Variants in ALDH1A3 observed in about 807,000 individuals in gnomAD.
The protein encoded by ALDH1A3 is aldehyde dehydrogenase 1 family member A3.
ALDH1A3 carries 28 observed loss-of-function variants against 57.5 expected under a neutral mutation model. That is an observed-to-expected ratio of 0.49 (90% CI 0.36 to 0.67). The LOEUF (loss-of-function observed/expected upper bound fraction) is 0.67, where lower values mean the gene tolerates loss of function less well. Ranked by LOEUF, ALDH1A3 falls within the 30% of genes least tolerant of loss-of-function variation. The pLI is 0.00. For synonymous variants in ALDH1A3, 281 were observed against 264.8 expected (o/e 1.06, Z -0.59); for missense variants, 507 against 669.4 (o/e 0.76, Z 2.68).
At chr15:100,884,569 T>G (rs1274971663) in intron 1 of ALDH1A3, among the ~76,000 whole-genome samples, 1 of 144,512 alleles carries the variant, frequency 6.9e-6, no homozygotes, top group South Asian at 2.1e-4. Context: ...TTCTGGGTTT[T>G]TTTTTTTTTT....
At chr15:100,905,089 G>A (rs2041809670) in intron 9 of ALDH1A3, among the ~76,000 whole-genome samples, 1 of 152,076 alleles carries the variant, frequency 6.6e-6, no homozygotes, top group Non-Finnish European at 1.5e-5. Flanking sequence ...TATTGTTTTG[G>A]GACATACTAA....
intron 12 of ALDH1A3, among the ~76,000 whole-genome samples, chr15:100,910,610 T>C (rs776869751): frequency 4.7e-4 from 72 of 152,340 alleles, no homozygotes; most frequent in Admixed American, 5.2e-4. Context: ...AAATGAATGC[T>C]GGCAGCTTAG....
chr15:100,902,486 C>T (rs1473140690), intron 9 of ALDH1A3, among the ~76,000 whole-genome samples: 2 of 152,230 alleles, frequency 1.3e-5, no homozygotes, highest in African/African-American at 4.8e-5. Flanking sequence ...GCTAGCTGAC[C>T]TAGATCCGGG....
At chr15:100,883,704 A>T (rs2041567914) in intron 1 of ALDH1A3, among the ~76,000 whole-genome samples, 1 of 150,632 alleles carries the variant, frequency 6.6e-6, no homozygotes, top group Non-Finnish European at 1.5e-5. Context: ...CATGTGCAGG[A>T]TGTGCAGGTT....
At chr15:100,908,817 T>C (rs1437291859) in intron 12 of ALDH1A3, among the ~76,000 whole-genome samples, 1 of 152,172 alleles carries the variant, frequency 6.6e-6, no homozygotes, top group Non-Finnish European at 1.5e-5. Flanking sequence ...TTGCCAGATG[T>C]GGGGTGTCAT....
At chr15:100,898,469 T>G (rs2041733398) in intron 8 of ALDH1A3, among the ~76,000 whole-genome samples, 1 of 152,232 alleles carries the variant, frequency 6.6e-6, no homozygotes, top group Non-Finnish European at 1.5e-5. Flanking sequence ...AGCGTTAAGT[T>G]TACCTGCCTG....
chr15:100,887,469 C>CGT lies in ALDH1A3; in HGVS notation c.205-103_205-102insGT, dbSNP rs2041607331. 2 of 1,350,120 alleles carry CGT rather than the reference C, an allele frequency of 1.5e-6. No individual in the cohort carries two copies. The highest frequency in any genetic ancestry group is 2.8e-5 in the East Asian group (1 of 35,464). The allele number at this position is 1,350,120 out of a possible 1,614,324, so 83.6% of individuals were successfully genotyped here. On this transcript the variant is annotated intron_variant, in intron 2 of 12. Coordinates refer to ENST00000329841, the MANE Select transcript of ALDH1A3 (RefSeq NM_000693.4). This position sits in a 1 kb window ranked among gnomAD's most constrained non-coding sequence, Gnocchi z 4.6. Reference sequence around the variant, plus strand: ...AAAGATGACACCCAAACTGCAGTCACCTCAAAAGATGACACCCAAACTTCA... The same window carrying CGT: ...AAAGATGACACCCAAACTGCAGTCACGTCTCAAAAGATGACACCCAAACTTCA...
chr15:100,907,301 T>G, intron 11 of ALDH1A3, 23 bp downstream of exon 11: 8 of 1,607,306 alleles, frequency 5.0e-6, no homozygotes, highest in Non-Finnish European at 6.8e-6. Flanking sequence ...TGTGTGTATT[T>G]CAGCTCTCCT....
In ALDH1A3 at chr15:100,894,110, A is replaced by G. The variant is rs2041677549; in HGVS notation, c.666+28A>G. ...GAGACATCCAAAAAGAAAATATCAC[A>G]TGTTCTTGGTAACATTCCCACTCCT... On this transcript the variant is annotated intron_variant, in intron 6 of 12. Coordinates refer to ENST00000329841, the MANE Select transcript of ALDH1A3 (RefSeq NM_000693.4). The surrounding 1 kb of genome is among the most constrained non-coding windows in gnomAD (Gnocchi z 4.5). 11 of 1,611,432 alleles carry G rather than the reference A, an allele frequency of 6.8e-6. No individual in the cohort carries two copies. Among genetic ancestry groups the G allele is most frequent in the Non-Finnish European group, 9.3e-6 (11 of 1,178,724 alleles).
At position 100,906,974 on chromosome 15, in the gene ALDH1A3, G is replaced by A. The variant is rs2041828743; in HGVS notation, c.1234-147G>A. On this transcript the variant is annotated intron_variant, in intron 10 of 12. Coordinates refer to ENST00000329841, the MANE Select transcript of ALDH1A3 (RefSeq NM_000693.4). This position sits in a 1 kb window ranked among gnomAD's most constrained non-coding sequence, Gnocchi z 4.8. ...GGCAATGCAGCTGAAGCAATGTTTG[G>A]ACGTTCTTTCTTCTCTAATCATCGT... 2.1e-5 allele frequency: 17 copies of A among 819,850 alleles called. No individual in the cohort carries two copies. The highest frequency in any genetic ancestry group is 3.1e-5 in the Non-Finnish European group (17 of 549,710). The allele number at this position is 819,850 out of a possible 1,614,324, so 50.8% of individuals were successfully genotyped here.
At chr15:100,884,574 T>TTTTTTTTTTTTTTA (rs2041576195) in intron 1 of ALDH1A3, among the ~76,000 whole-genome samples, 1 of 151,988 alleles carries the variant, frequency 6.6e-6, no homozygotes. Context: ...GGTTTTTTTT[T>TTTTTTTTTTTTTTA]TTTTTTGACA....
chr15:100,880,281 C>G, intron 1 of ALDH1A3: 1 of 383,708 alleles, frequency 2.6e-6, no homozygotes. Context: ...CGCATCCCTG[C>G]GAGGCCCCGA....
intron 1 of ALDH1A3, among the ~76,000 whole-genome samples, chr15:100,883,990 C>G (rs2041570577): frequency 6.6e-6 from 1 of 152,156 alleles, no homozygotes; most frequent in Non-Finnish European, 1.5e-5. Flanking sequence ...CTATGTATAC[C>G]ACATGCAGAT....
Position 100,893,034 on chromosome 15 carries a change from T to C in ALDH1A3, c.537+28T>C. 2 of 1,602,612 alleles carry C rather than the reference T, an allele frequency of 1.2e-6. No individual in the cohort carries two copies. The highest frequency in any genetic ancestry group is 1.7e-6 in the Non-Finnish European group (2 of 1,171,274). On this transcript the variant is annotated intron_variant, in intron 5 of 12. Coordinates refer to ENST00000329841, the MANE Select transcript of ALDH1A3 (RefSeq NM_000693.4). This position sits in a 1 kb window ranked among gnomAD's most constrained non-coding sequence, Gnocchi z 4.8. ...AAGTATGGCAGCCTTTCTCAGTAGA[T>C]TCTATGTAGATCCTGCCCCACTGCC...
Position 100,894,435 on chromosome 15 carries a change from A to G in ALDH1A3, c.666+353A>G, listed in dbSNP as rs2041680389. On this transcript the variant is annotated intron_variant, in intron 6 of 12. Transcript: ENST00000329841. This position sits in a 1 kb window ranked among gnomAD's most constrained non-coding sequence, Gnocchi z 4.5. ...GGGATTTGCATTCTCAGTTTATGAA[A>G]TGGTCCATTTTTCTCTGGAGAGGTG... 1 of 222,098 alleles carries G rather than the reference A, an allele frequency of 4.5e-6. No individual in the cohort carries two copies. The highest frequency in any genetic ancestry group is 9.0e-6 in the Non-Finnish European group (1 of 110,760). 13.8% of individuals were successfully genotyped at this position (222,098 alleles called of 1,614,324 possible).
In ALDH1A3 at chr15:100,887,832, C is replaced by T; in HGVS notation, c.345+120C>T. 1 of 1,252,892 alleles carries T rather than the reference C, an allele frequency of 8.0e-7. No homozygotes were observed. Among genetic ancestry groups the T allele is most frequent in the South Asian group, 1.8e-5 (1 of 56,760 alleles). 77.6% of individuals were successfully genotyped at this position (1,252,892 alleles called of 1,614,324 possible). ...GTTTTGTGTGGTCGTGGGTCTGTTC[C>T]ATCCTCTGAGACACGGCTCTCTGGC... On this transcript the variant is annotated intron_variant, in intron 3 of 12. Transcript: ENST00000329841. The surrounding 1 kb of genome is among the most constrained non-coding windows in gnomAD (Gnocchi z 4.6).
intron 9 of ALDH1A3, among the ~76,000 whole-genome samples, chr15:100,903,393 T>A (rs2041790738): frequency 6.6e-6 from 1 of 152,226 alleles, no homozygotes; most frequent in African/African-American, 2.4e-5. Flanking sequence ...CCTGCCTGAT[T>A]CTTTTTCACA....
At chr15:100,902,514 G>A (rs947055542) in intron 9 of ALDH1A3, among the ~76,000 whole-genome samples, 2 of 152,176 alleles carry the variant, frequency 1.3e-5, no homozygotes, top group Non-Finnish European at 2.9e-5. Context: ...CCGGGCTAGC[G>A]CTCACAGGAA....
intron 4 of ALDH1A3, 63 bp downstream of exon 4, chr15:100,892,702 C>G: frequency 1.3e-6 from 2 of 1,546,494 alleles, no homozygotes; most frequent in Non-Finnish European, 1.7e-6. Flanking sequence ...TTCATTAATC[C>G]AGAGCCCCCC....
Sources: gnomAD v4.1 joint callset for allele counts (sites outside exome capture counted in the v4.1 genomes callset) on GRCh38, gnomAD v4.1.1 for gene constraint, Gnocchi (gnomAD v3.1) non-coding constraint, MANE v1.5 for transcripts, NCBI Gene and HGNC (gene_info 2026-07-23, HGNC 2026-07-21) for gene names.